FAM185A: variants seen among roughly 807,000 people sequenced by gnomAD.
FAM185A encodes protein FAM185A.
A neutral mutation model predicts 45.7 loss-of-function variants in FAM185A; 21 were observed. The observed-to-expected ratio is 0.46, with a 90% CI of 0.33 to 0.66. The LOEUF is 0.66. Among genes scored for constraint, FAM185A ranks in the 30% least tolerant of loss-of-function variants. The pLI, the probability that FAM185A is intolerant of heterozygous loss-of-function variation, is 0.03. For synonymous variants in FAM185A, 117 were observed against 194.0 expected (o/e 0.60, Z 3.30); for missense variants, 305 against 485.4 (o/e 0.63, Z 3.49).
the FAM185A span, among the ~76,000 whole-genome samples, chr7:102,847,336 C>T: frequency 6.6e-6 from 1 of 152,100 alleles, no homozygotes; most frequent in Non-Finnish European, 1.5e-5. Flanking sequence ...ATGTAAGAGG[C>T]AGAATTGGAA....
chr7:102,831,822 A>T, the FAM185A span, among the ~76,000 whole-genome samples: 1 of 152,104 alleles, frequency 6.6e-6, no homozygotes, highest in South Asian at 2.1e-4. Flanking sequence ...TTCCTTATCC[A>T]TATGGGCCCT....
the FAM185A span, chr7:102,821,971 T>C: frequency 5.3e-6 from 8 of 1,495,578 alleles, no homozygotes; most frequent in South Asian, 9.2e-5. Flanking sequence ...TTATGAACCT[T>C]ATAGCCATAT....
At chr7:102,760,226 A>G (rs1337583916) in intron 3 of FAM185A, among the ~76,000 whole-genome samples, 2 of 152,078 alleles carry the variant, frequency 1.3e-5, no homozygotes, top group African/African-American at 4.8e-5. Context: ...GTATTTACAT[A>G]TATATTCATA....
downstream of FAM185A, among the ~76,000 whole-genome samples, chr7:102,810,640 C>A (rs139628367): frequency 0.012 from 1,899 of 152,186 alleles, 47 homozygotes; most frequent in African/African-American, 0.044. Context: ...GTTGCCCAGG[C>A]TGGAGTGCAG....
chr7:102,833,324 G>A, the FAM185A span, among the ~76,000 whole-genome samples: 1 of 152,026 alleles, frequency 6.6e-6, no homozygotes, highest in Non-Finnish European at 1.5e-5. Flanking sequence ...ACAGTGGAAT[G>A]TAATGGAAAG....
chr7:102,821,973 T>C, the FAM185A span: 1 of 1,502,352 alleles, frequency 6.7e-7, no homozygotes, highest in Non-Finnish European at 9.2e-7. Context: ...ATGAACCTTA[T>C]AGCCATATAC....
At chr7:102,751,554 C>T (rs1009592835) in intron 1 of FAM185A, 138 bp from the exon 2 acceptor site, 5 of 975,128 alleles carry the variant, frequency 5.1e-6, no homozygotes, top group Non-Finnish European at 7.1e-6. Flanking sequence ...TGGTAGAAGA[C>T]CCCTTACCTT....
At chr7:102,775,424 G>C (rs1795000450) in intron 5 of FAM185A, among the ~76,000 whole-genome samples, 1 of 152,102 alleles carries the variant, frequency 6.6e-6, no homozygotes, top group African/African-American at 2.4e-5. Flanking sequence ...GGCTTGTTTT[G>C]CTGCATAGTT....
the FAM185A span, among the ~76,000 whole-genome samples, chr7:102,843,917 C>T: frequency 6.6e-6 from 1 of 152,186 alleles, no homozygotes; most frequent in Non-Finnish European, 1.5e-5. Flanking sequence ...GTTTATACTC[C>T]ATAAGCCGAA....
At chr7:102,809,982 G>A (rs1343027975), downstream of FAM185A, among the ~76,000 whole-genome samples, 1 of 152,042 alleles carries the variant, frequency 6.6e-6, no homozygotes, top group East Asian at 1.9e-4. Context: ...TCTTGCTCCT[G>A]CTCTTGCCAT....
At chr7:102,825,701 T>G in the FAM185A span, among the ~76,000 whole-genome samples, 1 of 152,188 alleles carries the variant, frequency 6.6e-6, no homozygotes, top group Non-Finnish European at 1.5e-5. Context: ...TGCCAACCAC[T>G]GGGCATTACC....
the FAM185A span, chr7:102,821,957 T>G: frequency 2.2e-6 from 3 of 1,364,946 alleles, no homozygotes; most frequent in East Asian, 6.9e-5. Context: ...AAAGCTGCTA[T>G]GTATTATGAA....
chr7:102,786,974 T>C (rs557471437), intron 6 of FAM185A, among the ~76,000 whole-genome samples: 41 of 152,266 alleles, frequency 2.7e-4, no homozygotes, highest in Non-Finnish European at 5.9e-4. Context: ...TAAAACATAA[T>C]GTAATTAGGG....
chr7:102,830,607 G>A, the FAM185A span, among the ~76,000 whole-genome samples: 3 of 152,070 alleles, frequency 2.0e-5, no homozygotes, highest in African/African-American at 4.8e-5. Flanking sequence ...GTTTTGTCAC[G>A]GTTTACCACA....
At chr7:102,762,732 A>C in intron 4 of FAM185A, among the ~76,000 whole-genome samples, 1 of 151,880 alleles carries the variant, frequency 6.6e-6, no homozygotes, top group South Asian at 2.1e-4. Flanking sequence ...CCTCAATTTA[A>C]TGGTTAAACC....
chr7:102,816,492 C>T, the FAM185A span, among the ~76,000 whole-genome samples: 21 of 152,274 alleles, frequency 1.4e-4, no homozygotes, highest in South Asian at 3.9e-3. Context: ...CATCCTCACA[C>T]GGACTGACTA....
the FAM185A span, among the ~76,000 whole-genome samples, chr7:102,815,524 CA>C: frequency 1.6e-4 from 25 of 152,106 alleles, no homozygotes; most frequent in Non-Finnish European, 3.1e-4. Context: ...CCCTGCCTCC[CA>C]AACACCAGAG....
the FAM185A span, among the ~76,000 whole-genome samples, chr7:102,828,257 A>C: frequency 2.6e-5 from 4 of 152,082 alleles, no homozygotes; most frequent in East Asian, 1.9e-4. Flanking sequence ...CTTTTATTTC[A>C]TTGAGCAGTG....
chr7:102,753,852 A>AT (rs1313389493), intron 2 of FAM185A, among the ~76,000 whole-genome samples: 4 of 152,280 alleles, frequency 2.6e-5, no homozygotes, highest in South Asian at 2.1e-4. Flanking sequence ...GTTTTGTTCT[A>AT]TTTTTTTAAA....
Sources: allele counts gnomAD v4.1 joint callset (sites outside exome capture counted in the v4.1 genomes callset), GRCh38; gene constraint gnomAD v4.1.1; transcripts MANE v1.5; gene names NCBI Gene and HGNC (gene_info 2026-07-23, HGNC 2026-07-21).